Variants in HERPUD2 observed in about 807,000 individuals in gnomAD.
HERPUD2 encodes the protein homocysteine-responsive endoplasmic reticulum-resident ubiquitin-like domain member 2 protein.
A neutral mutation model predicts 49.9 loss-of-function variants in HERPUD2; 13 were observed. That is an observed-to-expected ratio of 0.26 (90% CI 0.17 to 0.41). HERPUD2 has a LOEUF of 0.41. HERPUD2 is among the 10% of genes least tolerant of loss of function. The pLI is 1.00. For missense variants in HERPUD2, 449 were observed against 492.2 expected (o/e 0.91, Z 0.83); for synonymous variants, 172 against 171.4 (o/e 1.00, Z -0.03).
intron 2 of HERPUD2, among the ~76,000 whole-genome samples, chr7:35,688,781 T>C (rs560508270): frequency 6.6e-6 from 1 of 152,306 alleles, no homozygotes; most frequent in South Asian, 2.1e-4. Flanking sequence ...CCTTTCTTCA[T>C]CTTATTATAC....
At chr7:35,647,075 A>C (rs559321889) in intron 5 of HERPUD2, among the ~76,000 whole-genome samples, 14 of 152,216 alleles carry the variant, frequency 9.2e-5, no homozygotes, top group Non-Finnish European at 1.8e-4. Context: ...TTAAAATTAC[A>C]GAGGAGAAGA....
At chr7:35,671,733 TA>T (rs1457678737) in intron 3 of HERPUD2, among the ~76,000 whole-genome samples, 1 of 152,070 alleles carries the variant, frequency 6.6e-6, no homozygotes, top group African/African-American at 2.4e-5. Context: ...ATGTTTTATA[TA>T]GGGGCACAAG....
chr7:35,653,980 T>C (rs964956610), intron 5 of HERPUD2, among the ~76,000 whole-genome samples: 152 of 151,870 alleles, frequency 1.0e-3, no homozygotes, highest in African/African-American at 3.6e-3. Flanking sequence ...GTCAACAGAG[T>C]GAGACTGTCT....
chr7:35,660,339 C>T (rs1277452672), intron 5 of HERPUD2, among the ~76,000 whole-genome samples: 3 of 152,164 alleles, frequency 2.0e-5, no homozygotes, highest in Admixed American at 6.5e-5. Flanking sequence ...AATAAACATA[C>T]GTGTGCATAT....
At chr7:35,652,152 A>G (rs1482565800) in intron 5 of HERPUD2, among the ~76,000 whole-genome samples, 1 of 152,194 alleles carries the variant, frequency 6.6e-6, no homozygotes, top group Non-Finnish European at 1.5e-5. Flanking sequence ...CTAATTTTAC[A>G]ACCCTAAGCT....
intron 2 of HERPUD2, among the ~76,000 whole-genome samples, chr7:35,685,163 C>T (rs1174511325): frequency 1.3e-5 from 2 of 151,660 alleles, no homozygotes; most frequent in African/African-American, 4.8e-5. Context: ...ATCACTTTAG[C>T]CCAAGAGGCA....
chr7:35,661,668 C>G (rs1265596021), intron 5 of HERPUD2, among the ~76,000 whole-genome samples: 3 of 152,088 alleles, frequency 2.0e-5, no homozygotes, highest in East Asian at 1.9e-4. Flanking sequence ...TGATTTGGCT[C>G]TCTGTCTGTC....
intron 5 of HERPUD2, among the ~76,000 whole-genome samples, chr7:35,643,149 CATTA>C (rs1471318995): frequency 6.6e-6 from 1 of 152,136 alleles, no homozygotes; most frequent in East Asian, 1.9e-4. Context: ...GACAATAGCT[CATTA>C]ATTTTTTTAA....
chr7:35,636,901 G>A (rs1478219844), intron 6 of HERPUD2, among the ~76,000 whole-genome samples: 5 of 152,156 alleles, frequency 3.3e-5, no homozygotes, highest in Non-Finnish European at 5.9e-5. Context: ...GGTCAAGGCA[G>A]GCAGATGGAT....
chr7:35,647,246 T>C (rs1395812910), intron 5 of HERPUD2, among the ~76,000 whole-genome samples: 1 of 152,134 alleles, frequency 6.6e-6, no homozygotes, highest in Non-Finnish European at 1.5e-5. Flanking sequence ...GATTGCTTTA[T>C]TCTCCCTATT....
intron 5 of HERPUD2, among the ~76,000 whole-genome samples, chr7:35,652,276 T>C (rs1785183224): frequency 6.6e-6 from 1 of 152,196 alleles, no homozygotes. Context: ...CTAATAAAGT[T>C]TCCTTTTTCA....
At chr7:35,647,231 T>G (rs1327840650) in intron 5 of HERPUD2, among the ~76,000 whole-genome samples, 5 of 152,054 alleles carry the variant, frequency 3.3e-5, no homozygotes, top group Admixed American at 2.0e-4. Flanking sequence ...TTTTCAAGAC[T>G]CTGCGATTGC....
At chr7:35,657,656 T>C (rs1318977567) in intron 5 of HERPUD2, among the ~76,000 whole-genome samples, 1 of 128,752 alleles carries the variant, frequency 7.8e-6, no homozygotes, top group Non-Finnish European at 1.6e-5. Context: ...GAGCCTGTAA[T>C]CCCAGCACTT....
chr7:35,691,404 T>C (rs1292880869), intron 2 of HERPUD2, among the ~76,000 whole-genome samples: 1 of 152,216 alleles, frequency 6.6e-6, no homozygotes, highest in Non-Finnish European at 1.5e-5. Context: ...ATTTCCATTC[T>C]TTCCCCTCTA....
intron 2 of HERPUD2, among the ~76,000 whole-genome samples, chr7:35,679,057 C>A (rs996968390): frequency 6.6e-6 from 1 of 152,100 alleles, no homozygotes; most frequent in African/African-American, 2.4e-5. Flanking sequence ...CACTTTCAGT[C>A]AGAGACTTCA....
chr7:35,672,535 T>C (rs79442355), intron 3 of HERPUD2, among the ~76,000 whole-genome samples: 12,440 of 151,956 alleles, frequency 0.082, 731 homozygotes, highest in South Asian at 0.21. Context: ...CAACAACAGT[T>C]AGAGTTAAGT....
Position 35,670,246 on chromosome 7 carries a change from C to A in HERPUD2, c.308G>T (p.Ser103Ile). 6.3e-7 allele frequency: 1 copy of A among 1,584,042 alleles called. No individual in the cohort carries two copies. The highest frequency in any genetic ancestry group is 8.6e-7 in the Non-Finnish European group (1 of 1,161,582). The change falls in exon 4 of 9, where the codon AGT becomes ATT. Residue 103 changes from serine to isoleucine, a missense_variant. By Grantham distance (142) the Ser-to-Ile change is moderately radical. Coordinates refer to ENST00000311350, the MANE Select transcript of HERPUD2 (RefSeq NM_022373.5). ...SSPKSSTNRE[S>I]HEALASSSNS... The stretch of plus-strand genomic sequence containing the variant: ...GCTGCTGGATGCCAATGCTTCATGA[C>A]TTTCTCTATTGGTGCTGGATTTTGG...
rs182543354 is a variant in HERPUD2, at chr7:35,664,559, T to A, written c.494+2875A>T. Among the ~76,000 whole-genome samples, 364 of 152,338 alleles carry A rather than the reference T, an allele frequency of 2.4e-3. 3 individuals carry two copies. The highest frequency in any genetic ancestry group is 8.3e-3 in the African/African-American group (347 of 41,574). ...ATGTAGATTTGGTCTTCTCACATAGTCCCATATTTCTTGGAGGCTTTGTTC... is the reference window on the plus strand; with the variant it reads ...ATGTAGATTTGGTCTTCTCACATAGACCCATATTTCTTGGAGGCTTTGTTC... On this transcript the variant is annotated intron_variant, in intron 5 of 8. Coordinates refer to ENST00000311350, the MANE Select transcript of HERPUD2 (RefSeq NM_022373.5).
chr7:35,694,526 G>A lies in HERPUD2; in HGVS notation c.-196C>T. 5.0e-6 allele frequency: 3 copies of A among 606,058 alleles called. No homozygotes were observed. The South Asian group carries it at 6.1e-5, about 12-fold the overall frequency. The allele number at this position is 606,058 out of a possible 1,614,324, so 37.5% of individuals were successfully genotyped here. ...GATGGACTGAGGTGGTGGCGACTGC[G>A]ACGGTGGGGTCTGGGTGCCCGGCCG... is the stretch of plus-strand genomic sequence containing the variant. On this transcript the variant is annotated 5_prime_UTR_variant, in exon 2 of 9. Transcript: ENST00000311350.
Sources: gnomAD v4.1 joint callset for allele counts (sites outside exome capture counted in the v4.1 genomes callset) on GRCh38, gnomAD v4.1.1 for gene constraint, MANE v1.5 for transcripts, NCBI Gene and HGNC (gene_info 2026-07-23, HGNC 2026-07-21) for gene names.